The following CELSR1 variants were observed in gnomAD, a reference collection of about 807,000 sequenced individuals.
The protein encoded by CELSR1 is adhesion G protein-coupled receptor C1.
Under a neutral mutation model 249.1 loss-of-function variants are expected in CELSR1, and 110 were observed. That is an observed-to-expected ratio of 0.44 (90% CI 0.38 to 0.52). CELSR1 has a LOEUF of 0.52. Ranked by LOEUF, CELSR1 falls within the 20% of genes least tolerant of loss-of-function variation. The pLI is 0.00. For missense variants in CELSR1, 4,109 were observed against 4,296.4 expected (o/e 0.96, Z 1.22); for synonymous variants, 2,113 against 1,900.0 (o/e 1.11, Z -2.92).
intron 3 of CELSR1, among the ~76,000 whole-genome samples, chr22:46,438,460 GCAC>G (rs776269172): frequency 1.3e-3 from 191 of 152,272 alleles, no homozygotes; most frequent in Non-Finnish European, 1.6e-3. Context: ...GCTTGGGGAG[GCAC>G]CTTATGATTT....
intron 25 of CELSR1, among the ~76,000 whole-genome samples, chr22:46,371,510 T>G (rs1448355280): frequency 6.6e-6 from 1 of 152,132 alleles, no homozygotes; most frequent in Non-Finnish European, 1.5e-5. Context: ...AAGTACTGTT[T>G]GTTCTACTCA....
At chr22:46,513,810 G>T (rs1226278492) in intron 1 of CELSR1, among the ~76,000 whole-genome samples, 2 of 152,060 alleles carry the variant, frequency 1.3e-5, no homozygotes, top group African/African-American at 2.4e-5. Context: ...TTGTTGTTTT[G>T]AGACGGAGTC....
At chr22:46,369,052 C>G (rs985327782) in intron 27 of CELSR1, 127 bp downstream of exon 27, 1 of 823,106 alleles carries the variant, frequency 1.2e-6, no homozygotes, top group African/African-American at 1.7e-5. Context: ...GGGGCTCACC[C>G]AGGCTGCCCC....
Position 46,445,004 on chromosome 22 carries a change from G to C in CELSR1, c.4184-5593C>G, listed in dbSNP as rs6007912. On this transcript the variant is annotated intron_variant, in intron 2 of 34. Transcript: ENST00000674500. The surrounding 1 kb of genome is among the most constrained non-coding windows in gnomAD (Gnocchi z 4.4). ...GTGGATCACCTGAGATCAGGGGTTC[G>C]CGAGCCTGGCCAACATGGTGAAACC... 0.43 allele frequency among the ~76,000 whole-genome samples: 64,550 copies of C among 151,874 alleles called. 14,057 individuals are homozygous for C. The highest frequency in any genetic ancestry group is 0.49 in the African/African-American group (20,187 of 41,362).
At position 46,454,848 on chromosome 22, in the gene CELSR1, A is replaced by G. The variant is rs1315825509; in HGVS notation, c.4183+8859T>C. ...CTCCTTAGCTCCTCAGCGAAGGAGC[A>G]CCCACGGCTGAATTGTGTCCCCAGA... On this transcript the variant is annotated intron_variant, in intron 2 of 34. Transcript: ENST00000674500. The surrounding 1 kb of genome is among the most constrained non-coding windows in gnomAD (Gnocchi z 5.1). Among the ~76,000 whole-genome samples the G allele has an allele frequency of 1.3e-5, 2 of 152,164 alleles. No individual in the cohort carries two copies. Among genetic ancestry groups the G allele is most frequent in the Admixed American group, 1.3e-4 (2 of 15,282 alleles).
rs757584916 is a variant in CELSR1 at position 46,397,687 on chromosome 22, G to T, written c.5688C>A (p.Cys1896Ter). The T allele has an allele frequency of 6.6e-7, 1 of 1,522,654 alleles. No individual in the cohort carries two copies. Among genetic ancestry groups the T allele is most frequent in the Non-Finnish European group, 8.9e-7 (1 of 1,128,376 alleles). The allele number at this position is 1,522,654 out of a possible 1,614,324, so 94.3% of individuals were successfully genotyped here. A position where few individuals can be genotyped will look rare whatever the true frequency, so the allele number is the denominator to read the frequency against. The change falls in exon 12 of 35, where the codon TGC (cysteine) becomes TGA (stop). Residue 1896 changes from cysteine to a stop codon, truncating the protein, a stop_gained. Transcript: ENST00000674500. LOFTEE classifies it high-confidence loss of function. The stretch of plus-strand genomic sequence containing the variant: ...GGGCGGTCCCACCTTTGTCACAGAC[G>T]CAGCTGTAGTCCTCCCAGGCGTCGT... Reference protein sequence around the residue: ...RCHDAWEDYSCVCDKGYLGIN... With the variant: ...RCHDAWEDYS
intron 5 of CELSR1, among the ~76,000 whole-genome samples, chr22:46,420,901 G>A (rs1444300552): frequency 6.6e-5 from 10 of 152,136 alleles, no homozygotes; most frequent in Non-Finnish European, 1.5e-4. Flanking sequence ...GAAGCGCCTG[G>A]ATAAGACAGG....
At chr22:46,439,610 C>T (rs1015763765) in intron 2 of CELSR1, among the ~76,000 whole-genome samples, 199 bp from the exon 3 acceptor site, 5 of 152,132 alleles carry the variant, frequency 3.3e-5, no homozygotes, top group African/African-American at 1.2e-4. Context: ...GTGCCAGAGT[C>T]GGCTGCACCC....
chr22:46,437,621 G>A lies in CELSR1; in HGVS notation c.4407-1332C>T, dbSNP rs983847648. Among the ~76,000 whole-genome samples, 9 of 152,092 alleles carry A rather than the reference G, an allele frequency of 5.9e-5. No homozygotes were observed. Among genetic ancestry groups the A allele is most frequent in the African/African-American group, 2.2e-4 (9 of 41,478 alleles). ...CGAAAATTAGCCGGGCATGGTGGTGGGCACCTGTAATCCCAGCTACTCAAG... is the reference window on the plus strand; with the variant it reads ...CGAAAATTAGCCGGGCATGGTGGTGAGCACCTGTAATCCCAGCTACTCAAG... On this transcript the variant is annotated intron_variant, in intron 3 of 34. Coordinates refer to ENST00000674500, the MANE Select transcript of CELSR1 (RefSeq NM_001378328.1). This position sits in a 1 kb window ranked among gnomAD's most constrained non-coding sequence, Gnocchi z 4.9.
chr22:46,435,517 G>C (rs935227967), intron 4 of CELSR1, among the ~76,000 whole-genome samples: 3 of 150,128 alleles, frequency 2.0e-5, no homozygotes, highest in African/African-American at 4.9e-5. Context: ...CCTGACCTCA[G>C]GTGATCTGCC....
intron 25 of CELSR1, among the ~76,000 whole-genome samples, chr22:46,372,648 G>A (rs372277166): frequency 1.3e-5 from 2 of 152,016 alleles, no homozygotes; most frequent in African/African-American, 2.4e-5. Flanking sequence ...AAATAACCCT[G>A]AACAGACCTG....
chr22:46,386,568 G>A lies in CELSR1; in HGVS notation c.6573C>T (p.Gly2191=), dbSNP rs2079036356. The change falls in exon 19 of 35, where the codon GGC becomes GGT. Residue 2191 remains glycine, a synonymous_variant. Transcript: ENST00000674500. The part of the protein sequence containing the change: ...ADFHEDVIHS[G]SALLAPATRA... ...TGGTGGCTGGGGCCAGGAGGGCGCT[G>A]CCCGAGTGGATGACGTCCTGGTCAG... is the stretch of plus-strand genomic sequence containing the variant. The A allele has an allele frequency of 1.9e-6, 3 of 1,595,728 alleles. No individual in the cohort carries two copies. Among genetic ancestry groups the A allele is most frequent in the South Asian group, 1.1e-5 (1 of 88,992 alleles).
At position 46,450,553 on chromosome 22, in the gene CELSR1, C is replaced by G. The variant is rs540996581; in HGVS notation, c.4184-11142G>C. Among the ~76,000 whole-genome samples the G allele has an allele frequency of 2.0e-3, 308 of 152,354 alleles. 1 individual carries two copies. Among genetic ancestry groups the G allele is most frequent in the Non-Finnish European group, 2.9e-3 (199 of 68,020 alleles). Reference sequence around the variant, plus strand: ...CACGAAGGTTCAGAGAGGGCAGTTACTTGTGCTGGGTCACACAGCTGCATG... The same window carrying G: ...CACGAAGGTTCAGAGAGGGCAGTTAGTTGTGCTGGGTCACACAGCTGCATG... On this transcript the variant is annotated intron_variant, in intron 2 of 34. Transcript: ENST00000674500.
At chr22:46,476,802 T>C (rs2080213394) in intron 1 of CELSR1, among the ~76,000 whole-genome samples, 1 of 151,980 alleles carries the variant, frequency 6.6e-6, no homozygotes, top group South Asian at 2.1e-4. Context: ...TTAAGCTTAC[T>C]GGGTATGGGG....
intron 19 of CELSR1, among the ~76,000 whole-genome samples, chr22:46,385,757 A>T (rs920412657): frequency 4.1e-5 from 6 of 146,602 alleles, no homozygotes; most frequent in African/African-American, 1.5e-4. Flanking sequence ...GGCTCACTGC[A>T]AGCTCCGCTT....
At chr22:46,367,333 G>C (rs908944813) in intron 28 of CELSR1, among the ~76,000 whole-genome samples, 9 of 152,224 alleles carry the variant, frequency 5.9e-5, no homozygotes, top group Non-Finnish European at 1.3e-4. Context: ...CCAGACCCCC[G>C]GTGTGCTGGA....
chr22:46,385,131 A>C (rs541124110), intron 19 of CELSR1, among the ~76,000 whole-genome samples: 1 of 143,836 alleles, frequency 7.0e-6, no homozygotes, highest in African/African-American at 2.6e-5. Context: ...ATCTCACTCT[A>C]TCACCCAGGC....
At position 46,504,985 on chromosome 22, in the gene CELSR1, G is replaced by A. The variant is rs541483534; in HGVS notation, c.3544+28642C>T. Among the ~76,000 whole-genome samples, 4 of 152,314 alleles carry A rather than the reference G, an allele frequency of 2.6e-5. No homozygotes were observed. The South Asian group carries it at 8.3e-4, about 32-fold the overall frequency. ...CATCTCAAAAGAGCAAGGAAAGGCC[G>A]GGTGCGGCGGCTCACGCCTGTAATC... On this transcript the variant is annotated intron_variant, in intron 1 of 34. Transcript: ENST00000674500.
intron 1 of CELSR1, among the ~76,000 whole-genome samples, chr22:46,480,282 A>T (rs2080253702): frequency 6.6e-6 from 1 of 152,204 alleles, no homozygotes; most frequent in East Asian, 1.9e-4. Context: ...TAGACGAAAT[A>T]ATGTCTCCCC....
Sources: allele counts gnomAD v4.1 joint callset (sites outside exome capture counted in the v4.1 genomes callset), GRCh38; gene constraint gnomAD v4.1.1; non-coding constraint Gnocchi (gnomAD v3.1); transcripts MANE v1.5; gene names NCBI Gene and HGNC (gene_info 2026-07-23, HGNC 2026-07-21).